The following TRDN variants were observed in gnomAD, a reference collection of about 807,000 sequenced individuals.
TRDN encodes triadin, also known as triadin in skeletal muscle.
A neutral mutation model predicts 149.7 loss-of-function variants in TRDN; 161 were observed. That is an observed-to-expected ratio of 1.08 (90% CI 0.95 to 1.23). The LOEUF (loss-of-function observed/expected upper bound fraction) is 1.23. Ranked by LOEUF, TRDN falls within the 50% of genes most tolerant of loss-of-function variation. The probability of loss-of-function intolerance (pLI) is 0.00; values close to 1 mark genes in which losing one functional copy is unlikely to be tolerated. For synonymous variants in TRDN, 294 were observed against 250.5 expected (o/e 1.17, Z -1.64); for missense variants, 896 against 823.5 (o/e 1.09, Z -1.08).
At chr6:123,540,663 C>A (rs562163879) in intron 4 of TRDN, among the ~76,000 whole-genome samples, 1 of 152,092 alleles carries the variant, frequency 6.6e-6, no homozygotes, top group African/African-American at 2.4e-5. Flanking sequence ...GGACTACAAG[C>A]GCCCGCCACG....
intron 12 of TRDN, chr6:123,434,106 C>G (rs536570535): frequency 1.3e-5 from 2 of 152,226 alleles, no homozygotes; most frequent in South Asian, 4.1e-4. Context: ...TTGTGTCATC[C>G]TTTTCATCTT....
chr6:123,411,221 A>G (rs962087664), intron 12 of TRDN, among the ~76,000 whole-genome samples: 6 of 151,578 alleles, frequency 4.0e-5, no homozygotes, highest in African/African-American at 1.5e-4. Flanking sequence ...TAATTTTTGT[A>G]TTTTTAGTAG....
intron 12 of TRDN, among the ~76,000 whole-genome samples, chr6:123,405,041 T>C (rs144909059): frequency 5.8e-4 from 88 of 152,330 alleles, no homozygotes; most frequent in Admixed American, 2.7e-3. Flanking sequence ...AATATTGACA[T>C]TGCTTCTGGA....
chr6:123,264,917 A>C (rs1449858730), intron 33 of TRDN, among the ~76,000 whole-genome samples: 1 of 152,086 alleles, frequency 6.6e-6, no homozygotes, highest in Non-Finnish European at 1.5e-5. Flanking sequence ...TTAATAGACT[A>C]TAGTGCAAAC....
intron 38 of TRDN, among the ~76,000 whole-genome samples, chr6:123,251,171 C>CT (rs1312530170): frequency 6.6e-6 from 1 of 151,990 alleles, no homozygotes; most frequent in Non-Finnish European, 1.5e-5. Context: ...AATATCTTTC[C>CT]TTTTTTTAAA....
At chr6:123,229,531 GT>G (rs1775517076) in intron 38 of TRDN, among the ~76,000 whole-genome samples, 1 of 151,908 alleles carries the variant, frequency 6.6e-6, no homozygotes, top group Middle Eastern at 3.2e-3. Context: ...CTGCCTGAAA[GT>G]TTTTACTTAT....
chr6:123,636,439 A>G (rs1249759957), intron 1 of TRDN, among the ~76,000 whole-genome samples: 1 of 152,006 alleles, frequency 6.6e-6, no homozygotes, highest in Non-Finnish European at 1.5e-5. Context: ...GCTGGATAAG[A>G]TATCGGCCAT....
At chr6:123,488,462 C>G (rs1268762255) in intron 9 of TRDN, among the ~76,000 whole-genome samples, 1 of 152,122 alleles carries the variant, frequency 6.6e-6, no homozygotes, top group Non-Finnish European at 1.5e-5. Context: ...CACTGTATTC[C>G]TATACTCCCT....
At chr6:123,425,414 C>A (rs916569960) in intron 12 of TRDN, among the ~76,000 whole-genome samples, 1 of 151,648 alleles carries the variant, frequency 6.6e-6, no homozygotes, top group Non-Finnish European at 1.5e-5. Flanking sequence ...GTGAGAGGCC[C>A]CAGTTGGAGA....
chr6:123,469,392 T>G (rs1314016971), intron 9 of TRDN, among the ~76,000 whole-genome samples: 1 of 152,128 alleles, frequency 6.6e-6, no homozygotes, highest in Non-Finnish European at 1.5e-5. Flanking sequence ...TGCTAACCAC[T>G]CCTCCCTTTC....
chr6:123,502,702 AT>A, intron 8 of TRDN: 1 of 984,078 alleles, frequency 1.0e-6, no homozygotes, highest in Non-Finnish European at 1.2e-6. Context: ...AAATTGTAAG[AT>A]TTCTTAAACT....
chr6:123,395,127 A>T lies in TRDN; in HGVS notation c.1052-1450T>A, dbSNP rs1307354613. On this transcript the variant is annotated intron_variant, in intron 12 of 40. Coordinates refer to ENST00000334268, the MANE Select transcript of TRDN (RefSeq NM_006073.4). ...ATTTGTAATTAAATTTTAAAGAAAAAGATTTTAAAATATCAGTATGTAAAG... is the reference window on the plus strand; with the variant it reads ...ATTTGTAATTAAATTTTAAAGAAAATGATTTTAAAATATCAGTATGTAAAG... 3.9e-5 allele frequency among the ~76,000 whole-genome samples: 6 copies of T among 152,334 alleles called. No individual in the cohort carries two copies. In the East Asian group the frequency reaches 1.2e-3, roughly 29 times the overall value.
At chr6:123,406,882 C>G (rs1435658366) in intron 12 of TRDN, among the ~76,000 whole-genome samples, 2 of 152,080 alleles carry the variant, frequency 1.3e-5, no homozygotes, top group African/African-American at 4.8e-5. Flanking sequence ...CTGTGCTCTC[C>G]CCTTGCTCCA....
At chr6:123,225,917 G>A (rs974151504) in intron 38 of TRDN, among the ~76,000 whole-genome samples, 1 of 151,656 alleles carries the variant, frequency 6.6e-6, no homozygotes, top group Admixed American at 6.6e-5. Flanking sequence ...CTGAAAGAAG[G>A]TCAGTTTTGT....
chr6:123,605,928 G>T (rs887121753), intron 1 of TRDN, among the ~76,000 whole-genome samples: 8 of 152,086 alleles, frequency 5.3e-5, no homozygotes, highest in Admixed American at 1.3e-4. Flanking sequence ...TTAAGTTTCA[G>T]TGGCATGGGC....
chr6:123,518,478 G>A (rs552911060), intron 5 of TRDN, among the ~76,000 whole-genome samples: 46 of 152,224 alleles, frequency 3.0e-4, no homozygotes, highest in African/African-American at 1.1e-3. Context: ...AGACCCACAG[G>A]GGAACACCTA....
In TRDN at chr6:123,436,800, C is replaced by T. The variant is rs185634074; in HGVS notation, c.1051+1263G>A. Among the ~76,000 whole-genome samples, 75 of 152,210 alleles carry T rather than the reference C, an allele frequency of 4.9e-4. 1 individual carries two copies. Among genetic ancestry groups the T allele is most frequent in the African/African-American group, 1.8e-3 (74 of 41,514 alleles). ...TATTACACAGGAAAGATCTGGAAAT[C>T]TCATTTACTTTAAGTTCTTAATAGC... On this transcript the variant is annotated intron_variant, in intron 12 of 40. Coordinates refer to ENST00000334268, the MANE Select transcript of TRDN (RefSeq NM_006073.4).
In TRDN at chr6:123,438,948, C is replaced by A. The variant is rs753488186; in HGVS notation, c.987G>T (p.Lys329Asn). The A allele has an allele frequency of 1.3e-6, 2 of 1,558,712 alleles. No homozygotes were observed. The highest frequency in any genetic ancestry group is 1.7e-6 in the Non-Finnish European group (2 of 1,150,022). ...AEKKVTSETK[K>N]KEKEDIKKKS... The stretch of plus-strand genomic sequence containing the variant: ...CATGGCTTTTAAATTTCCTACCTTT[C>A]TTTTTTGTTTCAGAAGTAACTTTCT... The change falls in exon 11 of 41, where the codon AAG becomes AAT. Residue 329 changes from lysine to asparagine, a missense_variant. Coordinates refer to ENST00000334268, the MANE Select transcript of TRDN (RefSeq NM_006073.4).
intron 1 of TRDN, among the ~76,000 whole-genome samples, chr6:123,620,432 A>T (rs755778009): frequency 2.0e-5 from 3 of 152,134 alleles, no homozygotes; most frequent in Non-Finnish European, 4.4e-5. Flanking sequence ...GAATTTTCTC[A>T]AAGTTGTTAT....
Sources: gnomAD v4.1 joint callset for allele counts (sites outside exome capture counted in the v4.1 genomes callset) on GRCh38, gnomAD v4.1.1 for gene constraint, MANE v1.5 for transcripts, NCBI Gene and HGNC (gene_info 2026-07-23, HGNC 2026-07-21) for gene names.